Variants in TRIM2 observed in about 807,000 individuals in gnomAD.
TRIM2 encodes tripartite motif-containing protein 2.
TRIM2 carries 20 observed loss-of-function variants against 75.2 expected under a neutral mutation model. The observed-to-expected ratio is 0.27, with a 90% CI of 0.19 to 0.39. TRIM2 has a LOEUF of 0.39. TRIM2 is among the 10% of genes least tolerant of loss of function. The probability of loss-of-function intolerance (pLI) is 1.00; values close to 1 mark genes in which losing one functional copy is unlikely to be tolerated. For missense variants in TRIM2, 660 were observed against 990.8 expected (o/e 0.67, Z 4.48); for synonymous variants, 373 against 388.3 (o/e 0.96, Z 0.46).
At chr4:153,217,703 G>T (rs1023841256) in intron 1 of TRIM2, among the ~76,000 whole-genome samples, 1 of 113,356 alleles carries the variant, frequency 8.8e-6, no homozygotes, top group East Asian at 2.6e-4. Flanking sequence ...TATGTTTAGA[G>T]GCTATGTTGG....
chr4:153,184,267 G>A (rs1732368255), intron 1 of TRIM2, among the ~76,000 whole-genome samples: 1 of 152,128 alleles, frequency 6.6e-6, no homozygotes, highest in Non-Finnish European at 1.5e-5. Flanking sequence ...GTTGGTTCCT[G>A]ATGAGGGCTC....
At chr4:153,282,165 C>T (rs889385403) in intron 3 of TRIM2, among the ~76,000 whole-genome samples, 1 of 152,236 alleles carries the variant, frequency 6.6e-6, no homozygotes, top group African/African-American at 2.4e-5. Flanking sequence ...GCACCAGCAT[C>T]ATCTCACTGG....
chr4:153,323,722 G>T (rs1385494471), intron 9 of TRIM2, among the ~76,000 whole-genome samples: 2 of 152,142 alleles, frequency 1.3e-5, no homozygotes, highest in African/African-American at 4.8e-5. Flanking sequence ...GGTGGGAGCT[G>T]AGGGCTCTAA....
chr4:153,249,237 G>A (rs1397510285), intron 1 of TRIM2, among the ~76,000 whole-genome samples: 2 of 152,264 alleles, frequency 1.3e-5, no homozygotes, highest in Admixed American at 1.3e-4. Flanking sequence ...GCGCGCAATC[G>A]CCATCTGGGT....
intron 1 of TRIM2, among the ~76,000 whole-genome samples, chr4:153,262,261 C>T (rs1291624317): frequency 6.6e-6 from 1 of 152,116 alleles, no homozygotes; most frequent in African/African-American, 2.4e-5. Flanking sequence ...AATCAGACTC[C>T]CCCAAAATTC....
chr4:153,314,119 C>T lies in TRIM2; in HGVS notation c.1511-1366C>T, dbSNP rs184997591. 2.4e-3 allele frequency among the ~76,000 whole-genome samples: 372 copies of T among 152,084 alleles called. 1 individual carries two copies. Among genetic ancestry groups the T allele is most frequent in the Non-Finnish European group, 3.1e-3 (210 of 67,976 alleles). ...TTCTTTTAAAACAAAACCAGATGTC[C>T]GTTAACCTGTAGATGATTTGCTGTT... On this transcript the variant is annotated intron_variant, in intron 6 of 11. Transcript: ENST00000338700.
At chr4:153,302,626 A>G (rs1489468889) in intron 6 of TRIM2, among the ~76,000 whole-genome samples, 1 of 152,240 alleles carries the variant, frequency 6.6e-6, no homozygotes, top group Non-Finnish European at 1.5e-5. Flanking sequence ...TTTTGGAGAC[A>G]CATCCCATAT....
chr4:153,182,484 C>T (rs551299525), intron 1 of TRIM2, among the ~76,000 whole-genome samples: 12 of 152,232 alleles, frequency 7.9e-5, no homozygotes, highest in South Asian at 2.1e-4. Flanking sequence ...GCCCGTGACT[C>T]GGTTTCCTCA....
chr4:153,228,546 A>G (rs1438652929), intron 1 of TRIM2, among the ~76,000 whole-genome samples: 4 of 152,258 alleles, frequency 2.6e-5, no homozygotes, highest in Admixed American at 2.0e-4. Flanking sequence ...CTTAGCCAAT[A>G]ACAAAGCCAG....
intron 1 of TRIM2, among the ~76,000 whole-genome samples, chr4:153,231,091 A>G (rs1008254788): frequency 6.6e-6 from 1 of 152,264 alleles, no homozygotes; most frequent in Non-Finnish European, 1.5e-5. Context: ...ACGCTCAAGT[A>G]TACTTGATTG....
intron 1 of TRIM2, among the ~76,000 whole-genome samples, chr4:153,236,811 C>T (rs1476280925): frequency 6.6e-6 from 1 of 152,094 alleles, no homozygotes. Flanking sequence ...CCCAACTCAG[C>T]CTCCTCAGTA....
intron 1 of TRIM2, among the ~76,000 whole-genome samples, chr4:153,164,517 A>G (rs1730084897): frequency 6.6e-6 from 1 of 152,128 alleles, no homozygotes; most frequent in Non-Finnish European, 1.5e-5. Flanking sequence ...TCTTTTATTC[A>G]AATAAGTAAT....
intron 1 of TRIM2, among the ~76,000 whole-genome samples, chr4:153,221,819 G>GGAGA (rs1740205489): frequency 7.9e-6 from 1 of 126,124 alleles, no homozygotes; most frequent in Non-Finnish European, 1.7e-5. Flanking sequence ...AGGGAGGGAG[G>GGAGA]GAGGAAATGA....
At chr4:153,164,434 G>A (rs1430304412) in intron 1 of TRIM2, among the ~76,000 whole-genome samples, 4 of 151,984 alleles carry the variant, frequency 2.6e-5, no homozygotes, top group Non-Finnish European at 5.9e-5. Flanking sequence ...AACATTCTTA[G>A]CCATTCTTCT....
intron 1 of TRIM2, among the ~76,000 whole-genome samples, chr4:153,155,866 G>C (rs1403497709): frequency 2.0e-5 from 3 of 152,182 alleles, no homozygotes; most frequent in Non-Finnish European, 4.4e-5. Flanking sequence ...ATGCCTAAGA[G>C]GACAAAGTCT....
chr4:153,266,610 G>T (rs1755182799), intron 1 of TRIM2, among the ~76,000 whole-genome samples: 1 of 151,400 alleles, frequency 6.6e-6, no homozygotes, highest in Non-Finnish European at 1.5e-5. Context: ...CAAAGTGCTG[G>T]GATTACAGGT....
chr4:153,192,928 A>C (rs1190836996), intron 1 of TRIM2, among the ~76,000 whole-genome samples: 1 of 152,116 alleles, frequency 6.6e-6, no homozygotes, highest in Non-Finnish European at 1.5e-5. Flanking sequence ...GTCCACCATC[A>C]GTTGTTCCCA....
At position 153,220,610 on chromosome 4, in the gene TRIM2, G is replaced by C. The variant is rs146681374; in HGVS notation, c.30+16050G>C. Among the ~76,000 whole-genome samples, 611 of 152,116 alleles carry C rather than the reference G, an allele frequency of 4.0e-3. 5 individuals are homozygous for C. The highest frequency in any genetic ancestry group is 0.014 in the African/African-American group (586 of 41,498). On this transcript the variant is annotated intron_variant, in intron 1 of 11. Transcript: ENST00000338700. ...CAATTTAAAATGGGCAAATAGTGTT[G>C]GTTTTGCAACAATGTAAATGTACTG...
At chr4:153,184,430 G>A (rs73857425) in intron 1 of TRIM2, among the ~76,000 whole-genome samples, 45 of 152,180 alleles carry the variant, frequency 3.0e-4, no homozygotes, top group African/African-American at 8.7e-4. Context: ...TTATGACCTC[G>A]TTTAACTTAA....
Sources: gnomAD v4.1 joint callset for allele counts (sites outside exome capture counted in the v4.1 genomes callset) on GRCh38, gnomAD v4.1.1 for gene constraint, MANE v1.5 for transcripts, NCBI Gene and HGNC (gene_info 2026-07-23, HGNC 2026-07-21) for gene names.